The following TRDN variants were observed in gnomAD, a reference collection of about 807,000 sequenced individuals.
The protein encoded by TRDN is triadin in skeletal muscle.
In TRDN, 161 loss-of-function variants were observed where a neutral mutation model predicts 149.7. That is an observed-to-expected ratio of 1.08 (90% CI 0.95 to 1.23). The LOEUF (loss-of-function observed/expected upper bound fraction) is 1.23. Among genes scored for constraint, TRDN ranks in the 50% most tolerant of loss-of-function variants. The pLI is 0.00. For synonymous variants in TRDN, 294 were observed against 250.5 expected (o/e 1.17, Z -1.64); for missense variants, 896 against 823.5 (o/e 1.09, Z -1.08).
At chr6:123,391,914 T>A (rs1439163943) in intron 13 of TRDN, among the ~76,000 whole-genome samples, 1 of 152,120 alleles carries the variant, frequency 6.6e-6, no homozygotes, top group Non-Finnish European at 1.5e-5. Context: ...TTTATATGCA[T>A]AATTTAATTA....
rs138411034 is a variant in TRDN at position 123,275,137 on chromosome 6, T to G, written c.1568-467A>C. On this transcript the variant is annotated intron_variant, in intron 26 of 40. Transcript: ENST00000334268. ...GATTTAGGAATTGAGACAAATAATG[T>G]TATGGCTCAAATGTGTTCTCCCAAA... Among the ~76,000 whole-genome samples the G allele has an allele frequency of 4.3e-3, 655 of 152,200 alleles. 4 individuals are homozygous for G. Among genetic ancestry groups the G allele is most frequent in the Non-Finnish European group, 8.0e-3 (541 of 68,008 alleles).
chr6:123,334,223 C>T (rs1278611085), intron 22 of TRDN, among the ~76,000 whole-genome samples: 1 of 152,040 alleles, frequency 6.6e-6, no homozygotes, highest in Non-Finnish European at 1.5e-5. Context: ...GTTGCACAGT[C>T]CTGAGCATCA....
chr6:123,485,112 T>G (rs1777918427), intron 9 of TRDN, among the ~76,000 whole-genome samples: 1 of 152,166 alleles, frequency 6.6e-6, no homozygotes, highest in South Asian at 2.1e-4. Context: ...AAAGCAACTC[T>G]CATGAGGGTA....
chr6:123,230,906 C>G (rs1341912706), intron 38 of TRDN, among the ~76,000 whole-genome samples: 1 of 151,962 alleles, frequency 6.6e-6, no homozygotes. Flanking sequence ...AGATATTTTT[C>G]TGTGCCAGGT....
At chr6:123,561,180 T>C (rs2224477) in intron 2 of TRDN, among the ~76,000 whole-genome samples, 75,884 of 151,858 alleles carry the variant, frequency 0.5, 19,686 homozygotes, top group East Asian at 0.91. Flanking sequence ...GGCCTTCCCA[T>C]ATCTATACAG....
At chr6:123,484,253 T>C (rs1017502032) in intron 9 of TRDN, among the ~76,000 whole-genome samples, 4 of 152,172 alleles carry the variant, frequency 2.6e-5, no homozygotes, top group African/African-American at 7.2e-5. Context: ...ATTATTTCCA[T>C]ATTTAAAAAT....
chr6:123,271,653 T>C (rs1777210669), intron 29 of TRDN, among the ~76,000 whole-genome samples: 1 of 151,942 alleles, frequency 6.6e-6, no homozygotes, highest in Admixed American at 6.6e-5. Flanking sequence ...GTTGATGCCT[T>C]TGTGGGATGT....
chr6:123,616,163 C>T (rs112797660), intron 1 of TRDN, among the ~76,000 whole-genome samples: 1 of 152,026 alleles, frequency 6.6e-6, no homozygotes, highest in Non-Finnish European at 1.5e-5. Context: ...CCAGCCTTGG[C>T]AACACAGTAA....
intron 24 of TRDN, among the ~76,000 whole-genome samples, chr6:123,316,179 A>G (rs1779014235): frequency 6.6e-6 from 1 of 151,874 alleles, no homozygotes; most frequent in Non-Finnish European, 1.5e-5. Flanking sequence ...ATTGCCCAGT[A>G]AATAAACAAA....
chr6:123,308,611 T>C (rs1778702053), intron 24 of TRDN, among the ~76,000 whole-genome samples: 1 of 151,956 alleles, frequency 6.6e-6, no homozygotes, highest in Non-Finnish European at 1.5e-5. Flanking sequence ...AAATTACAAG[T>C]GTCTATAGAA....
intron 21 of TRDN, chr6:123,349,697 G>T: frequency 1.0e-6 from 1 of 974,748 alleles, no homozygotes; most frequent in Non-Finnish European, 1.2e-6. Flanking sequence ...ATATTCAAAT[G>T]GATAAAGTTT....
At chr6:123,228,480 T>C (rs1775471674) in intron 38 of TRDN, among the ~76,000 whole-genome samples, 1 of 151,900 alleles carries the variant, frequency 6.6e-6, no homozygotes, top group Non-Finnish European at 1.5e-5. Context: ...CTTCTTCACA[T>C]GGTGGTAGGG....
intron 19 of TRDN, among the ~76,000 whole-genome samples, chr6:123,370,786 C>T (rs569514261): frequency 3.3e-5 from 5 of 151,654 alleles, no homozygotes; most frequent in East Asian, 3.9e-4. Flanking sequence ...AGTACAATTC[C>T]GTTATTACTT....
At chr6:123,400,167 G>GTATATATATATATATATATA (rs374126829) in intron 12 of TRDN, among the ~76,000 whole-genome samples, 3,686 of 122,754 alleles carry the variant, frequency 0.03, 103 homozygotes, top group Admixed American at 0.049. Flanking sequence ...ATATGTATGT[G>GTATATATATATATATATATA]TATATATATA....
chr6:123,444,904 C>T (rs1775214404), intron 10 of TRDN: 1 of 152,194 alleles, frequency 6.6e-6, no homozygotes, highest in South Asian at 2.1e-4. Context: ...TTTTGATGTG[C>T]TGATGGATTT....
chr6:123,585,521 A>AG (rs1265564254), intron 1 of TRDN, among the ~76,000 whole-genome samples: 1 of 152,142 alleles, frequency 6.6e-6, no homozygotes, highest in African/African-American at 2.4e-5. Flanking sequence ...ATGATGGTCT[A>AG]GGGGGCTTCC....
At chr6:123,521,604 A>G (rs554214283) in intron 5 of TRDN, among the ~76,000 whole-genome samples, 12 of 152,230 alleles carry the variant, frequency 7.9e-5, no homozygotes, top group African/African-American at 2.4e-4. Flanking sequence ...TCCAGCCTCA[A>G]TAAGGTAATA....
At chr6:123,409,485 C>A (rs775018115) in intron 12 of TRDN, among the ~76,000 whole-genome samples, 1 of 152,184 alleles carries the variant, frequency 6.6e-6, no homozygotes, top group Non-Finnish European at 1.5e-5. Flanking sequence ...AATGAGGTGA[C>A]ATATGTAAAG....
intron 10 of TRDN, among the ~76,000 whole-genome samples, chr6:123,449,422 C>T (rs1288962914): frequency 6.6e-6 from 1 of 152,022 alleles, no homozygotes; most frequent in African/African-American, 2.4e-5. Context: ...ATGTGAAATG[C>T]TCTGGAAAAT....
Sources: allele counts gnomAD v4.1 joint callset (sites outside exome capture counted in the v4.1 genomes callset), GRCh38; gene constraint gnomAD v4.1.1; transcripts MANE v1.5; gene names NCBI Gene and HGNC (gene_info 2026-07-23, HGNC 2026-07-21).